NXN: variants seen among roughly 807,000 people sequenced by gnomAD.
The protein encoded by NXN is nucleoredoxin 1.
A neutral mutation model predicts 48.6 loss-of-function variants in NXN; 16 were observed. The ratio of observed to expected loss-of-function variants is 0.33; its 90% CI spans 0.22 to 0.50. The LOEUF (loss-of-function observed/expected upper bound fraction) is 0.50, where lower values mean the gene tolerates loss of function less well. Among genes scored for constraint, NXN ranks in the 20% least tolerant of loss-of-function variants. NXN has a pLI of 0.98. For synonymous variants in NXN, 281 were observed against 269.6 expected, an observed-to-expected ratio of 1.04 and a Z score of -0.41; for missense variants, 492 against 605.5, an observed-to-expected ratio of 0.81 and a Z score of 1.97.
intron 1 of NXN, among the ~76,000 whole-genome samples, chr17:874,312 G>A (rs770562129): frequency 1.1e-4 from 17 of 152,184 alleles, no homozygotes; most frequent in African/African-American, 2.4e-4. Context: ...AGTCTCAGCC[G>A]GGCACGGTGG....
chr17:900,159 G>A (rs2068523889), intron 1 of NXN, among the ~76,000 whole-genome samples: 1 of 152,054 alleles, frequency 6.6e-6, no homozygotes, highest in South Asian at 2.1e-4. Context: ...CAGCTACTTA[G>A]GAGGCTGAGG....
intron 1 of NXN, among the ~76,000 whole-genome samples, chr17:888,128 C>G (rs72812023): frequency 0.11 from 16,695 of 152,202 alleles, 1,131 homozygotes; most frequent in Middle Eastern, 0.16. Context: ...CAGAGAGGGA[C>G]AGAAAGCAGG....
At chr17:847,181 A>G (rs1489847270) in intron 1 of NXN, among the ~76,000 whole-genome samples, 1 of 151,354 alleles carries the variant, frequency 6.6e-6, no homozygotes, top group African/African-American at 2.4e-5. Flanking sequence ...CACTCGGCAC[A>G]GCTCCCTTCT....
intron 2 of NXN, among the ~76,000 whole-genome samples, chr17:824,746 C>T (rs187385539): frequency 6.6e-6 from 1 of 152,324 alleles, no homozygotes; most frequent in East Asian, 1.9e-4. Flanking sequence ...ACCTAAGCTC[C>T]AGGTAGGGGG....
At chr17:864,738 A>T (rs1234159749) in intron 1 of NXN, among the ~76,000 whole-genome samples, 1 of 152,170 alleles carries the variant, frequency 6.6e-6, no homozygotes, top group African/African-American at 2.4e-5. Flanking sequence ...TCCTCTAATT[A>T]ACGGACCTCT....
chr17:979,009 A>G (rs7219428), intron 1 of NXN, among the ~76,000 whole-genome samples: 25,858 of 147,210 alleles, frequency 0.18, 3,731 homozygotes, highest in African/African-American at 0.4. Context: ...TCGAGCCGGG[A>G]TCCCGGGGGC....
chr17:833,632 C>CA (rs1597643022), intron 1 of NXN, among the ~76,000 whole-genome samples: 1 of 152,080 alleles, frequency 6.6e-6, no homozygotes, highest in African/African-American at 2.4e-5. Flanking sequence ...GCACATACAG[C>CA]AAAAAGTCAG....
Position 808,448 on chromosome 17 carries a change from A to G in NXN, c.821-3201T>C, listed in dbSNP as rs183449501. Among the ~76,000 whole-genome samples the G allele has an allele frequency of 6.1e-3, 919 of 151,802 alleles. 7 individuals are homozygous for G. The highest frequency in any genetic ancestry group is 0.021 in the African/African-American group (852 of 41,400). On this transcript the variant is annotated intron_variant, in intron 5 of 7. Coordinates refer to ENST00000336868, the MANE Select transcript of NXN (RefSeq NM_022463.5). ...CTCCCAAGTAGCTGGGGTTACAGGT[A>G]CACACCACCACACCCAGATAATTTT...
chr17:884,908 G>A (rs1260593402), intron 1 of NXN, among the ~76,000 whole-genome samples: 22 of 152,322 alleles, frequency 1.4e-4, no homozygotes, highest in Admixed American at 1.4e-3. Flanking sequence ...TAAAGAAAGT[G>A]TGGGCTTTCC....
intron 1 of NXN, among the ~76,000 whole-genome samples, chr17:974,981 T>C (rs936596140): frequency 8.5e-5 from 13 of 152,070 alleles, no homozygotes; most frequent in African/African-American, 2.7e-4. Context: ...TACCCACCAC[T>C]GTGACCAGCT....
At chr17:810,028 AGAGTCCGTGTGAGTGGCGTGCACGTTAC>A (rs1567810528) in intron 5 of NXN, among the ~76,000 whole-genome samples, 10 of 67,436 alleles carry the variant, frequency 1.5e-4, no homozygotes, top group Admixed American at 5.5e-4. Flanking sequence ...GTGCACGTTA[AGAGTCCGTGTGAGTGGCGTGCACGTTAC>A]GAGTCCCTGT....
In NXN at chr17:800,222, C is replaced by G. The variant is rs532988729; in HGVS notation, c.*727G>C. The G allele has an allele frequency of 6.6e-6, 1 of 152,312 alleles. No homozygotes were observed. Among genetic ancestry groups the G allele is most frequent in the African/African-American group, 2.4e-5 (1 of 41,444 alleles). The allele number at this position is 152,312 out of a possible 1,614,324, so 9.4% of individuals were successfully genotyped here. A position where few individuals can be genotyped will look rare whatever the true frequency, so the allele number is the denominator to read the frequency against. ...ACAGAGCTGGGTGGAGCGAGAGGTC[C>G]GTGCTGGTGCAGAGGTGCTCCTCCT... On this transcript the variant is annotated 3_prime_UTR_variant, in exon 8 of 8. Coordinates refer to ENST00000336868, the MANE Select transcript of NXN (RefSeq NM_022463.5).
At chr17:818,757 C>T (rs558116064) in intron 5 of NXN, among the ~76,000 whole-genome samples, 9 of 151,814 alleles carry the variant, frequency 5.9e-5, no homozygotes, top group Admixed American at 1.3e-4. Flanking sequence ...GTGTGGTGGG[C>T]GCCTGTAGTC....
chr17:960,995 A>G (rs2069230231), intron 1 of NXN, among the ~76,000 whole-genome samples: 1 of 151,090 alleles, frequency 6.6e-6, no homozygotes, highest in Non-Finnish European at 1.5e-5. Context: ...CGTGTTCGCC[A>G]GGATAGTCTC....
intron 1 of NXN, among the ~76,000 whole-genome samples, chr17:968,342 C>T (rs774605222): frequency 5.9e-5 from 9 of 152,156 alleles, no homozygotes; most frequent in South Asian, 4.1e-4. Flanking sequence ...AAAGAGGGTG[C>T]GGGATCCATT....
chr17:869,306 A>T (rs1478794480), intron 1 of NXN, among the ~76,000 whole-genome samples: 1 of 152,138 alleles, frequency 6.6e-6, no homozygotes, highest in Non-Finnish European at 1.5e-5. Flanking sequence ...CTGGCTGCTG[A>T]CACCAACCCA....
At chr17:973,003 C>G (rs530234069) in intron 1 of NXN, among the ~76,000 whole-genome samples, 1 of 151,604 alleles carries the variant, frequency 6.6e-6, no homozygotes, top group Admixed American at 6.6e-5. Flanking sequence ...TGCACTCCAG[C>G]CTGGGCGACA....
At chr17:885,672 C>CTTTTTTTTTTTTTTTT (rs532225883) in intron 1 of NXN, among the ~76,000 whole-genome samples, 2 of 83,748 alleles carry the variant, frequency 2.4e-5, no homozygotes, top group African/African-American at 6.6e-5. Context: ...GCGGTACTCG[C>CTTTTTTTTTTTTTTTT]TTTTTTTTTT....
chr17:972,460 G>A (rs541591423), intron 1 of NXN, among the ~76,000 whole-genome samples: 3 of 152,096 alleles, frequency 2.0e-5, no homozygotes, highest in East Asian at 3.9e-4. Context: ...CTGGCAGAGC[G>A]AGACTCCATC....
Sources: gnomAD v4.1 joint callset for allele counts (sites outside exome capture counted in the v4.1 genomes callset) on GRCh38, gnomAD v4.1.1 for gene constraint, MANE v1.5 for transcripts, NCBI Gene and HGNC (gene_info 2026-07-23, HGNC 2026-07-21) for gene names.